The following STS variants were observed in gnomAD, a reference collection of about 807,000 sequenced individuals.
STS encodes steryl-sulfatase.
In STS, 7 loss-of-function variants were observed where a neutral mutation model predicts 26.8. The observed-to-expected ratio is 0.26, with a 90% CI of 0.15 to 0.49. STS has a LOEUF of 0.49. Among genes scored for constraint, STS ranks in the 20% least tolerant of loss-of-function variants. The pLI is 0.98. For synonymous variants in STS, 199 were observed against 189.4 expected (o/e 1.05, Z -0.42); for missense variants, 434 against 465.6 (o/e 0.93, Z 0.63).
intron 9 of STS, among the ~76,000 whole-genome samples, chrX:7,326,832 G>A (rs754230877): frequency 1.7e-3 from 193 of 111,770 alleles, no homozygotes; most frequent in Middle Eastern, 0.014. Context: ...CAAGTCCAGA[G>A]ATGGGTTTCC....
At chrX:7,246,205 C>T (rs1184651579) in intron 2 of STS, among the ~76,000 whole-genome samples, 1 of 111,473 alleles carries the variant, frequency 9.0e-6, no homozygotes, top group Non-Finnish European at 1.9e-5. Flanking sequence ...ACAAGATAAG[C>T]CATTGTTCGC....
intron 1 of STS, among the ~76,000 whole-genome samples, chrX:7,162,690 G>A (rs750796034): frequency 1.8e-5 from 2 of 109,214 alleles, no homozygotes; most frequent in Admixed American, 2.0e-4. Context: ...GTTGCCAAAT[G>A]TCTCCTGGTA....
chrX:7,286,646 A>C (rs1211135332), intron 7 of STS, among the ~76,000 whole-genome samples: 1 of 111,726 alleles, frequency 9.0e-6, no homozygotes, highest in Non-Finnish European at 1.9e-5. Context: ...GACAACCTCT[A>C]CATTGCAAAG....
intron 2 of STS, among the ~76,000 whole-genome samples, chrX:7,207,317 C>T (rs909617395): frequency 2.7e-5 from 3 of 112,439 alleles, no homozygotes; most frequent in South Asian, 7.4e-4. Flanking sequence ...ACCCTGTCCT[C>T]AAATCTCTTT....
At chrX:7,323,656 A>G (rs1367837353) in intron 8 of STS, among the ~76,000 whole-genome samples, 4 of 111,766 alleles carry the variant, frequency 3.6e-5, no homozygotes, top group African/African-American at 6.5e-5. Context: ...CATGTCTGCT[A>G]TTGTGAATAG....
intron 10 of STS, among the ~76,000 whole-genome samples, chrX:7,344,907 C>A (rs1335265658): frequency 9.0e-6 from 1 of 111,233 alleles, no homozygotes; most frequent in Non-Finnish European, 1.9e-5. Flanking sequence ...TTCTGCAAGA[C>A]AGCAGTTTAA....
At chrX:7,235,163 T>C (rs1211261025) in intron 2 of STS, among the ~76,000 whole-genome samples, 1 of 111,974 alleles carries the variant, frequency 8.9e-6, no homozygotes, top group Non-Finnish European at 1.9e-5. Flanking sequence ...TGGGTAGAGG[T>C]CTTAGATCTG....
chrX:7,209,271 A>G (rs189331171), intron 2 of STS, among the ~76,000 whole-genome samples: 2,242 of 110,545 alleles, frequency 0.02, 51 homozygotes, highest in African/African-American at 0.069. Flanking sequence ...TTGTAGTTCA[A>G]TCAATATTTG....
At chrX:7,336,476 A>T (rs1163458976) in intron 10 of STS, among the ~76,000 whole-genome samples, 1 of 112,147 alleles carries the variant, frequency 8.9e-6, no homozygotes, top group Non-Finnish European at 1.9e-5. Context: ...TTTATGCTTC[A>T]GAGTTTCTCC....
At chrX:7,252,246 TGA>T in intron 2 of STS, 9 of 747,585 alleles carry the variant, frequency 1.2e-5, no homozygotes, top group Non-Finnish European at 1.4e-5. Context: ...TGGAAGTATT[TGA>T]GAGTAAGAAC....
At chrX:7,169,015 G>A (rs1026952764) in intron 1 of STS, among the ~76,000 whole-genome samples, 2 of 111,205 alleles carry the variant, frequency 1.8e-5, no homozygotes, top group Non-Finnish European at 3.8e-5. Context: ...ATTAACCATT[G>A]TAAAATATAC....
intron 2 of STS, among the ~76,000 whole-genome samples, chrX:7,249,871 G>A (rs778878591): frequency 3.6e-5 from 4 of 111,235 alleles, no homozygotes; most frequent in East Asian, 5.7e-4. Context: ...ATGATCTCAA[G>A]CCAGGCTTTA....
Position 7,279,361 on chromosome X carries a change from A to ATG in STS, c.943+3290_943+3291dup, listed in dbSNP as rs149132899. Among the ~76,000 whole-genome samples, 342 of 80,714 alleles carry ATG rather than the reference A, an allele frequency of 4.2e-3. 6 individuals are homozygous for ATG. The highest frequency in any genetic ancestry group is 6.6e-3 in the Middle Eastern group (1 of 152). The allele number at this position is 80,714 out of a possible 115,157, so 70.1% of individuals were successfully genotyped here. A position where few individuals can be genotyped will look rare whatever the true frequency, so the allele number is the denominator to read the frequency against. On this transcript the variant is annotated intron_variant, in intron 7 of 10. Transcript: ENST00000674429. ...TGTATGTGTGTGTGTGTGTGTGTAT[A>ATG]TGTGTGTGTGTGTGTGTATATATAT...
At chrX:7,242,640 G>A (rs1802352142) in intron 2 of STS, among the ~76,000 whole-genome samples, 1 of 111,336 alleles carries the variant, frequency 9.0e-6, no homozygotes, top group African/African-American at 3.3e-5. Flanking sequence ...AAGGTCCTAA[G>A]TGTGTAGTTT....
At chrX:7,155,292 G>C (rs1164174472) in intron 1 of STS, among the ~76,000 whole-genome samples, 1 of 111,929 alleles carries the variant, frequency 8.9e-6, no homozygotes, top group African/African-American at 3.3e-5. Context: ...GTTCAGCATA[G>C]GGTCCATTCT....
chrX:7,209,530 A>G (rs1474559582), intron 2 of STS, among the ~76,000 whole-genome samples: 1 of 83,822 alleles, frequency 1.2e-5, no homozygotes, highest in African/African-American at 4.2e-5. Context: ...TATTTTTAAT[A>G]TAATTTAAAA....
chrX:7,350,495 G>A lies in STS; in HGVS notation c.*234G>A, dbSNP rs1928749561. On this transcript the variant is annotated 3_prime_UTR_variant, in exon 11 of 11. Coordinates refer to ENST00000674429, the MANE Select transcript of STS (RefSeq NM_001320752.2). ...AAGATGGTAGGTTTATGCCTTCTGT[G>A]GCCAGAGTCTTGGACTCATGGAAAT... 2 of 437,571 alleles carry A rather than the reference G, an allele frequency of 4.6e-6. No homozygotes were observed. Among genetic ancestry groups the A allele is most frequent in the Admixed American group, 8.3e-5 (2 of 24,101 alleles). 36.1% of individuals were successfully genotyped at this position (437,571 alleles called of 1,213,427 possible). A position where few individuals can be genotyped will look rare whatever the true frequency, so the allele number is the denominator to read the frequency against.
intron 6 of STS, among the ~76,000 whole-genome samples, chrX:7,264,788 G>A (rs1923919943): frequency 8.9e-6 from 1 of 111,757 alleles, no homozygotes; most frequent in African/African-American, 3.3e-5. Flanking sequence ...ATACATGTAT[G>A]AGCTTTGGCT....
intron 8 of STS, among the ~76,000 whole-genome samples, chrX:7,324,024 C>G (rs1018530719): frequency 1.8e-5 from 2 of 112,002 alleles, no homozygotes; most frequent in Non-Finnish European, 3.8e-5. Flanking sequence ...CAAGTTGACA[C>G]AGCCCCGGGA....
Sources: allele counts gnomAD v4.1 joint callset (sites outside exome capture counted in the v4.1 genomes callset), GRCh38; gene constraint gnomAD v4.1.1; transcripts MANE v1.5; gene names NCBI Gene and HGNC (gene_info 2026-07-23, HGNC 2026-07-21).